Variants in GGPS1 observed in about 807,000 individuals in gnomAD.
The protein encoded by GGPS1 is geranylgeranyl pyrophosphate synthase.
Under a neutral mutation model 28.1 loss-of-function variants are expected in GGPS1, and 15 were observed. The observed-to-expected ratio is 0.53, with a 90% CI of 0.36 to 0.82. The LOEUF is 0.82. Among genes scored for constraint, GGPS1 ranks in the 40% least tolerant of loss-of-function variants. The pLI, the probability that GGPS1 is intolerant of heterozygous loss-of-function variation, is 0.01. For missense variants in GGPS1, 284 were observed against 348.3 expected, an observed-to-expected ratio of 0.82 and a Z score of 1.47; for synonymous variants, 138 against 122.4, an observed-to-expected ratio of 1.13 and a Z score of -0.84.
At chr1:235,334,599 GT>G (rs879841461) in intron 1 of GGPS1, among the ~76,000 whole-genome samples, 7 of 152,178 alleles carry the variant, frequency 4.6e-5, no homozygotes, top group Non-Finnish European at 8.8e-5. Flanking sequence ...ATTAGTCCCT[GT>G]TCCTAACCAC....
In GGPS1 at chr1:235,343,930, G is replaced by T. The variant is rs761005903; in HGVS notation, c.*1158G>T. ...TCCTTCCCGCCCACATCACCACCCC[G>T]ACTTGAAGACAGTAGGTGCTTGAAT... On this transcript the variant is annotated 3_prime_UTR_variant, in exon 4 of 4. Transcript: ENST00000282841. The T allele has an allele frequency of 6.0e-6, 1 of 166,752 alleles. No homozygotes were observed. The highest frequency in any genetic ancestry group is 2.4e-5 in the African/African-American group (1 of 41,300). The allele number at this position is 166,752 out of a possible 1,614,324, so 10.3% of individuals were successfully genotyped here.
chr1:235,331,005 A>T (rs1368000720), intron 1 of GGPS1, among the ~76,000 whole-genome samples: 1 of 152,188 alleles, frequency 6.6e-6, no homozygotes, highest in Admixed American at 6.5e-5. Flanking sequence ...TTCTTTTCTT[A>T]CTTCAATCCC....
rs1404809365 is a variant in GGPS1 at position 235,342,573 on chromosome 1, G to A, written c.704G>A (p.Arg235His). ...PESTQVQNIL[R>H]QRTENIDIKK... ...AGCACCCAGGTGCAGAATATCTTGC[G>A]CCAGAGAACAGAAAACATAGATATA... is the stretch of plus-strand genomic sequence containing the variant. Residue 235 changes from arginine to histidine, a missense_variant, in exon 4 of 4, where the codon CGC becomes CAC. Arg to His is a conservative substitution (Grantham distance 29). Transcript: ENST00000282841. The A allele has an allele frequency of 2.5e-6, 4 of 1,610,416 alleles. No homozygotes were observed. Among genetic ancestry groups the A allele is most frequent in the East Asian group, 2.2e-5 (1 of 44,866 alleles).
intron 2 of GGPS1, among the ~76,000 whole-genome samples, chr1:235,339,978 T>A (rs1675983081): frequency 1.3e-5 from 2 of 150,210 alleles, no homozygotes; most frequent in African/African-American, 4.9e-5. Flanking sequence ...AAGACCTATC[T>A]TAAATTAGCC....
chr1:235,340,923 C>A (rs1375904147), intron 2 of GGPS1, among the ~76,000 whole-genome samples: 1 of 151,904 alleles, frequency 6.6e-6, no homozygotes, highest in Non-Finnish European at 1.5e-5. Context: ...AACCTTAATT[C>A]AAAGGAGAAA....
At chr1:235,330,760 C>T (rs1434452465) in intron 1 of GGPS1, among the ~76,000 whole-genome samples, 1 of 152,160 alleles carries the variant, frequency 6.6e-6, no homozygotes, top group Non-Finnish European at 1.5e-5. Flanking sequence ...GTTACAGGTC[C>T]TGACACAAAA....
At chr1:235,339,292 T>G (rs1429514397) in intron 2 of GGPS1, among the ~76,000 whole-genome samples, 1 of 148,376 alleles carries the variant, frequency 6.7e-6, no homozygotes, top group Non-Finnish European at 1.5e-5. Flanking sequence ...AGAGCAAAAC[T>G]CGATCTCAGA....
chr1:235,335,360 A>G (rs780520761), intron 2 of GGPS1, 26 bp downstream of exon 2: 1 of 1,086,526 alleles, frequency 9.2e-7, no homozygotes. Flanking sequence ...CAGTCCATAT[A>G]GGGTCATTTT....
At chr1:235,336,060 G>A (rs747668868) in intron 2 of GGPS1, among the ~76,000 whole-genome samples, 2 of 152,188 alleles carry the variant, frequency 1.3e-5, no homozygotes, top group African/African-American at 2.4e-5. Flanking sequence ...CCTACCTCAC[G>A]TGTACGTGTG....
intron 1 of GGPS1, among the ~76,000 whole-genome samples, chr1:235,331,667 C>G (rs1572266950): frequency 6.8e-6 from 1 of 147,366 alleles, no homozygotes; most frequent in East Asian, 2.0e-4. Flanking sequence ...TAGCTTTCAT[C>G]ATATTCTCAA....
intron 1 of GGPS1, chr1:235,329,014 C>T (rs760363260): frequency 3.3e-5 from 5 of 152,306 alleles, no homozygotes; most frequent in Non-Finnish European, 5.9e-5. Flanking sequence ...GTTTCTTCCC[C>T]TCCGGACTCT....
Position 235,342,648 on chromosome 1 carries a change from C to T in GGPS1, c.779C>T (p.Thr260Ile), listed in dbSNP as rs1558328057. 14 of 1,611,212 alleles carry T rather than the reference C, an allele frequency of 8.7e-6. No homozygotes were observed. Among genetic ancestry groups the T allele is most frequent in the Non-Finnish European group, 1.0e-5 (12 of 1,177,338 alleles). The change falls in exon 4 of 4, where the codon ACT (threonine) becomes ATT (isoleucine). Residue 260 changes from threonine (T) to isoleucine (I), a missense_variant. By Grantham distance (89) the Thr-to-Ile change is moderately conservative. Transcript: ENST00000282841. ...GAGGATGTAGGTTCTTTTGAATACA[C>T]TCGTAATACCCTTAAAGAGCTTGAA... ...YLEDVGSFEY[T>I]RNTLKELEAK...
chr1:235,335,336 TA>T lies in GGPS1; in HGVS notation c.70+4del. On this transcript the variant is annotated splice_donor_region_variant and intron_variant, in intron 2 of 3. Coordinates refer to ENST00000282841, the MANE Select transcript of GGPS1 (RefSeq NM_004837.4). The stretch of plus-strand genomic sequence containing the variant: ...ATAAATACTTACTTCAGTTACCAGG[TA>T]ATACTTCACTTACAGTCCATATAGG... 7.1e-7 allele frequency: 1 copy of T among 1,407,844 alleles called. No homozygotes were observed. Among genetic ancestry groups the T allele is most frequent in the Non-Finnish European group, 1.0e-6 (1 of 995,236 alleles). 87.2% of individuals were successfully genotyped at this position (1,407,844 alleles called of 1,614,324 possible).
intron 2 of GGPS1, among the ~76,000 whole-genome samples, chr1:235,337,314 T>G (rs538619678): frequency 2.6e-5 from 4 of 152,346 alleles, no homozygotes; most frequent in African/African-American, 9.6e-5. Context: ...ACTTATGCTG[T>G]GACCACCTTC....
chr1:235,336,250 G>T (rs768932255), intron 2 of GGPS1, among the ~76,000 whole-genome samples: 36 of 152,232 alleles, frequency 2.4e-4, no homozygotes, highest in Non-Finnish European at 5.0e-4. Flanking sequence ...AGTTAGCTGG[G>T]CATGGTGGCG....
At chr1:235,339,774 AG>A in intron 2 of GGPS1, among the ~76,000 whole-genome samples, 1 of 151,946 alleles carries the variant, frequency 6.6e-6, no homozygotes, top group Middle Eastern at 3.4e-3. Flanking sequence ...AAAAAAAAAA[AG>A]AAAACAGTAT....
At chr1:235,338,109 G>A (rs59540354) in intron 2 of GGPS1, among the ~76,000 whole-genome samples, 8,615 of 152,158 alleles carry the variant, frequency 0.057, 588 homozygotes, top group East Asian at 0.26. Context: ...AGCCAGGCGC[G>A]GTGGCTCACA....
At position 235,342,241 on chromosome 1, in the gene GGPS1, G is replaced by T. The variant is rs1429799206; in HGVS notation, c.372G>T (p.Gln124His). ...LFTRQLLELH[Q>H]GQGLDIYWRD... ...CCCGCCAGCTTTTGGAACTCCATCA[G>T]GGACAAGGCCTAGATATTTACTGGA... The change falls in exon 4 of 4, where the codon CAG becomes CAT. Residue 124 changes from glutamine (Q) to histidine (H), a missense_variant. Transcript: ENST00000282841. 6.2e-7 allele frequency: 1 copy of T among 1,614,014 alleles called. No homozygotes were observed.
chr1:235,340,031 C>G (rs979445951), intron 2 of GGPS1, among the ~76,000 whole-genome samples: 5 of 152,198 alleles, frequency 3.3e-5, no homozygotes, highest in Non-Finnish European at 5.9e-5. Flanking sequence ...ACTCAGGAGG[C>G]TGAGGCAGGA....
Sources: gnomAD v4.1 joint callset for allele counts (sites outside exome capture counted in the v4.1 genomes callset) on GRCh38, gnomAD v4.1.1 for gene constraint, MANE v1.5 for transcripts, NCBI Gene and HGNC (gene_info 2026-07-23, HGNC 2026-07-21) for gene names.